EXOC4: variants seen among roughly 807,000 people sequenced by gnomAD.
EXOC4 encodes the protein exocyst complex component 4.
In EXOC4, 71 loss-of-function variants were observed where a neutral mutation model predicts 107.2. The observed-to-expected ratio is 0.66, with a 90% CI of 0.55 to 0.81. EXOC4 has a LOEUF of 0.81. Among genes scored for constraint, EXOC4 ranks in the 30% least tolerant of loss-of-function variants. The pLI is 0.00. For synonymous variants in EXOC4, 456 were observed against 441.2 expected (o/e 1.03, Z -0.42); for missense variants, 1,108 against 1,189.6 (o/e 0.93, Z 1.01).
Position 133,823,885 on chromosome 7 carries a change from TATATATATTTTATATATATATATATAA to T in EXOC4, c.1734+6350_1734+6376del, listed in dbSNP as rs1563015023. Among the ~76,000 whole-genome samples the T allele has an allele frequency of 1.4e-3, 31 of 21,988 alleles. 1 individual carries two copies. The highest frequency in any genetic ancestry group is 0.013 in the African/African-American group (20 of 1,518). 14.4% of individuals were successfully genotyped at this position (21,988 alleles called of 152,430 possible). A position where few individuals can be genotyped will look rare whatever the true frequency, so the allele number is the denominator to read the frequency against. On this transcript the variant is annotated intron_variant, in intron 11 of 17. Transcript: ENST00000253861. ...TATATATATATATTATATATATATA[TATATATATTTTATATATATATATATAA>T]ATATATATATAAATTATATATATAT...
chr7:133,832,432 A>G (rs1441691994), intron 11 of EXOC4, among the ~76,000 whole-genome samples: 1 of 152,200 alleles, frequency 6.6e-6, no homozygotes, highest in African/African-American at 2.4e-5. Context: ...TTACTACCCT[A>G]AAAAATTCCC....
At chr7:134,071,290 A>G (rs1194504095), downstream of EXOC4, among the ~76,000 whole-genome samples, 1 of 152,218 alleles carries the variant, frequency 6.6e-6, no homozygotes, top group African/African-American at 2.4e-5. Flanking sequence ...ACCGTAGCCA[A>G]ATCCAAAGCT....
rs71162015 is a variant in EXOC4 at position 133,650,962 on chromosome 7, T to TTG, written c.1514+20821_1514+20822insTG. ...GTTTTTTTTTTTTTTTTTTTTTTTT[T>TTG]GGAATGGGCATTTATTGTGTGTCCT... On this transcript the variant is annotated intron_variant, in intron 10 of 17. Coordinates refer to ENST00000253861, the MANE Select transcript of EXOC4 (RefSeq NM_021807.4). Among the ~76,000 whole-genome samples, 3 of 122,872 alleles carry TTG rather than the reference T, an allele frequency of 2.4e-5. No individual in the cohort carries two copies. The Admixed American group carries it at 2.7e-4, about 11-fold the overall frequency. 80.6% of individuals were successfully genotyped at this position (122,872 alleles called of 152,430 possible). A position where few individuals can be genotyped will look rare whatever the true frequency, so the allele number is the denominator to read the frequency against.
chr7:133,434,964 T>C (rs1317945448), intron 7 of EXOC4, among the ~76,000 whole-genome samples: 3 of 152,238 alleles, frequency 2.0e-5, no homozygotes, highest in African/African-American at 7.2e-5. Context: ...TTTAGCACCA[T>C]CTAGGAATCT....
chr7:133,850,585 T>A (rs1383049155), intron 11 of EXOC4, among the ~76,000 whole-genome samples: 30 of 151,966 alleles, frequency 2.0e-4, no homozygotes, highest in Non-Finnish European at 7.4e-5. Flanking sequence ...TGAACAGTCT[T>A]ATAGAATCAT....
intron 10 of EXOC4, among the ~76,000 whole-genome samples, chr7:133,652,549 A>G (rs199617898): frequency 6.6e-6 from 1 of 152,124 alleles, no homozygotes; most frequent in Non-Finnish European, 1.5e-5. Flanking sequence ...GGGAAGCCAT[A>G]TAAAGAAGAA....
intron 10 of EXOC4, among the ~76,000 whole-genome samples, chr7:133,727,947 A>G (rs746604120): frequency 6.6e-6 from 1 of 152,224 alleles, no homozygotes; most frequent in Non-Finnish European, 1.5e-5. Context: ...AGTTAATTAC[A>G]GTTGAATTTC....
intron 5 of EXOC4, among the ~76,000 whole-genome samples, chr7:133,354,582 A>G (rs1024511519): frequency 1.3e-5 from 2 of 152,156 alleles, no homozygotes; most frequent in Non-Finnish European, 2.9e-5. Flanking sequence ...CTTCAGCAAG[A>G]GTAGGAGGGG....
intron 9 of EXOC4, among the ~76,000 whole-genome samples, chr7:133,602,702 T>C (rs1197359047): frequency 6.6e-6 from 1 of 152,140 alleles, no homozygotes; most frequent in South Asian, 2.1e-4. Context: ...GATGAACAGA[T>C]TGAGGAACAT....
chr7:134,043,628 G>C (rs890398858), intron 17 of EXOC4, among the ~76,000 whole-genome samples: 2 of 152,130 alleles, frequency 1.3e-5, no homozygotes, highest in Non-Finnish European at 2.9e-5. Context: ...GTTTCTTCCT[G>C]GTCCCTAGGA....
At chr7:133,606,517 A>T (rs10258138) in intron 9 of EXOC4, among the ~76,000 whole-genome samples, 3,686 of 136,846 alleles carry the variant, frequency 0.027, 72 homozygotes, top group African/African-American at 0.06. Context: ...TATTATTATT[A>T]TTTTTTTTTT....
intron 7 of EXOC4, among the ~76,000 whole-genome samples, chr7:133,423,521 T>C (rs1797651167): frequency 6.6e-6 from 1 of 152,208 alleles, no homozygotes; most frequent in South Asian, 2.1e-4. Context: ...TCAGTTTCCT[T>C]CCTGCTAAAT....
intron 14 of EXOC4, among the ~76,000 whole-genome samples, chr7:133,980,401 T>A (rs890688635): frequency 9.9e-5 from 15 of 152,226 alleles, no homozygotes; most frequent in Admixed American, 2.0e-4. Context: ...TTCTAAATGC[T>A]TCATGTGTTT....
At chr7:133,784,645 A>G (rs1391716272) in intron 10 of EXOC4, among the ~76,000 whole-genome samples, 1 of 152,242 alleles carries the variant, frequency 6.6e-6, no homozygotes, top group African/African-American at 2.4e-5. Flanking sequence ...TGTGAAAGTC[A>G]GAAGGCTAAA....
At chr7:133,591,812 G>C (rs1801554255) in intron 9 of EXOC4, among the ~76,000 whole-genome samples, 1 of 152,114 alleles carries the variant, frequency 6.6e-6, no homozygotes, top group South Asian at 2.1e-4. Flanking sequence ...GTAGGTTGGG[G>C]AATCAATTAA....
At chr7:133,690,828 T>C (rs1794403308) in intron 10 of EXOC4, among the ~76,000 whole-genome samples, 2 of 152,228 alleles carry the variant, frequency 1.3e-5, no homozygotes, top group Admixed American at 1.3e-4. Context: ...TCATAAATTG[T>C]GGGGAAGTGA....
intron 11 of EXOC4, among the ~76,000 whole-genome samples, chr7:133,866,498 A>G (rs989728784): frequency 1.3e-5 from 2 of 152,200 alleles, no homozygotes; most frequent in Non-Finnish European, 2.9e-5. Flanking sequence ...GAGAGGCTCT[A>G]CTGGTGAGGC....
Position 133,529,098 on chromosome 7 carries a change from A to G in EXOC4, c.1417+48960A>G, listed in dbSNP as rs1584980002. Among the ~76,000 whole-genome samples the G allele has an allele frequency of 1.3e-5, 2 of 152,020 alleles. 1 individual carries two copies. Among genetic ancestry groups the G allele is most frequent in the East Asian group, 3.9e-4 (2 of 5,192 alleles). On this transcript the variant is annotated intron_variant, in intron 9 of 17. Transcript: ENST00000253861. ...GATCTAAAGTATCCCTTTCGTTACC[A>G]CCTAGTGTTCTCTTCCTTTTATTGA...
chr7:133,453,395 A>G (rs1047104338), intron 7 of EXOC4, among the ~76,000 whole-genome samples: 1 of 152,206 alleles, frequency 6.6e-6, no homozygotes, highest in African/African-American at 2.4e-5. Flanking sequence ...AAGTATCAAA[A>G]GAAATCTTAC....
Sources: gnomAD v4.1 joint callset for allele counts (sites outside exome capture counted in the v4.1 genomes callset) on GRCh38, gnomAD v4.1.1 for gene constraint, MANE v1.5 for transcripts, NCBI Gene and HGNC (gene_info 2026-07-23, HGNC 2026-07-21) for gene names.